CDH13: variants seen among roughly 807,000 people sequenced by gnomAD.
CDH13 encodes the protein cadherin 13.
Under a neutral mutation model 63.8 loss-of-function variants are expected in CDH13, and 24 were observed. That is an observed-to-expected ratio of 0.38 (90% CI 0.27 to 0.53). The LOEUF (loss-of-function observed/expected upper bound fraction) is 0.53. CDH13 is among the 20% of genes least tolerant of loss of function. The pLI, the probability that CDH13 is intolerant of heterozygous loss-of-function variation, is 0.85. For missense variants in CDH13, 1,049 were observed against 903.1 expected (o/e 1.16, Z -2.07); for synonymous variants, 503 against 355.3 (o/e 1.42, Z -4.67).
chr16:83,209,072 G>C (rs4454961), intron 4 of CDH13, among the ~76,000 whole-genome samples: 136,322 of 152,186 alleles, frequency 0.9, 61,977 homozygotes, highest in East Asian at 0.97. Flanking sequence ...AGATGCCAAA[G>C]AGGAGACCTG....
intron 2 of CDH13, among the ~76,000 whole-genome samples, chr16:83,020,089 G>C (rs934590317): frequency 6.6e-5 from 10 of 152,070 alleles, no homozygotes; most frequent in African/African-American, 2.2e-4. Flanking sequence ...TCATCTTACG[G>C]GATTGCTATC....
At chr16:83,215,130 G>A (rs987065346) in intron 4 of CDH13, among the ~76,000 whole-genome samples, 1 of 131,832 alleles carries the variant, frequency 7.6e-6, no homozygotes, top group African/African-American at 3.0e-5. Context: ...AGGCTAGAGT[G>A]CAGTGGAGCA....
chr16:82,798,096 A>T (rs1555519614), intron 1 of CDH13, among the ~76,000 whole-genome samples: 1 of 152,220 alleles, frequency 6.6e-6, no homozygotes, highest in Non-Finnish European at 1.5e-5. Context: ...AATCAATTGC[A>T]GATGCAGTGT....
intron 2 of CDH13, among the ~76,000 whole-genome samples, chr16:82,914,702 G>A (rs1308647965): frequency 6.6e-6 from 1 of 152,202 alleles, no homozygotes; most frequent in Admixed American, 6.5e-5. Flanking sequence ...CAAGGCATGG[G>A]GCAGGTGAAA....
intron 6 of CDH13, among the ~76,000 whole-genome samples, chr16:83,381,461 G>A (rs896233490): frequency 2.0e-5 from 3 of 151,838 alleles, no homozygotes; most frequent in Non-Finnish European, 1.5e-5. Flanking sequence ...TTTTAGCACC[G>A]AGATCGCATC....
intron 2 of CDH13, among the ~76,000 whole-genome samples, chr16:82,939,545 G>T (rs752063539): frequency 2.0e-5 from 3 of 152,088 alleles, no homozygotes; most frequent in Non-Finnish European, 4.4e-5. Flanking sequence ...TACCTAAAGC[G>T]AATACTCAGG....
chr16:83,282,224 A>G (rs901249615), intron 5 of CDH13, among the ~76,000 whole-genome samples: 3 of 152,194 alleles, frequency 2.0e-5, no homozygotes, highest in African/African-American at 7.2e-5. Flanking sequence ...AACATCAAAG[A>G]TCACTGATCT....
At chr16:82,861,182 A>G (rs181905757) in intron 2 of CDH13, among the ~76,000 whole-genome samples, 1 of 152,358 alleles carries the variant, frequency 6.6e-6, no homozygotes. Flanking sequence ...TTTTAGTCTC[A>G]TATAAATATA....
chr16:82,916,357 C>CGA (rs1425840216), intron 2 of CDH13, among the ~76,000 whole-genome samples: 1 of 152,000 alleles, frequency 6.6e-6, no homozygotes, highest in Non-Finnish European at 1.5e-5. Context: ...GAGTGGATGA[C>CGA]GAGGTTAGGA....
chr16:83,667,607 A>G (rs755244190), intron 8 of CDH13, among the ~76,000 whole-genome samples: 1 of 152,168 alleles, frequency 6.6e-6, no homozygotes, highest in Non-Finnish European at 1.5e-5. Flanking sequence ...ATCGAAAGAA[A>G]TAAAAAGAAC....
chr16:83,345,366 T>C (rs2090818138), intron 6 of CDH13, among the ~76,000 whole-genome samples: 1 of 152,200 alleles, frequency 6.6e-6, no homozygotes, highest in South Asian at 2.1e-4. Context: ...TGGGTCCCCA[T>C]TACAAACTCC....
At chr16:83,075,526 T>G (rs1234699010) in intron 3 of CDH13, among the ~76,000 whole-genome samples, 2 of 152,190 alleles carry the variant, frequency 1.3e-5, no homozygotes, top group East Asian at 3.9e-4. Context: ...AACAGGGTTG[T>G]GGTTGCTGAG....
At chr16:83,262,691 A>T (rs1031983854) in intron 5 of CDH13, among the ~76,000 whole-genome samples, 1 of 152,252 alleles carries the variant, frequency 6.6e-6, no homozygotes, top group African/African-American at 2.4e-5. Context: ...ATAACTTTCA[A>T]GGGAAAGGGT....
intron 4 of CDH13, among the ~76,000 whole-genome samples, chr16:83,194,983 TA>T (rs901725186): frequency 1.2e-4 from 18 of 152,162 alleles, no homozygotes; most frequent in Admixed American, 7.9e-4. Context: ...TTCATATAGG[TA>T]AAAAAAGTAT....
intron 7 of CDH13, among the ~76,000 whole-genome samples, chr16:83,518,830 A>G (rs1165927333): frequency 1.3e-5 from 2 of 152,098 alleles, no homozygotes; most frequent in Non-Finnish European, 2.9e-5. Context: ...TGCTGCTGCC[A>G]TGTGAAGAAG....
chr16:83,723,626 G>A (rs1209424801), intron 10 of CDH13, among the ~76,000 whole-genome samples: 1 of 152,154 alleles, frequency 6.6e-6, no homozygotes, highest in African/African-American at 2.4e-5. Flanking sequence ...GTCACTCCCT[G>A]TACTGTTGCC....
At chr16:83,541,901 A>G (rs2075302328) in intron 7 of CDH13, among the ~76,000 whole-genome samples, 1 of 152,208 alleles carries the variant, frequency 6.6e-6, no homozygotes, top group Non-Finnish European at 1.5e-5. Context: ...GCCCCATGGG[A>G]CAGAGGCTGT....
intron 1 of CDH13, among the ~76,000 whole-genome samples, chr16:82,648,407 C>T (rs2150902848): frequency 6.6e-6 from 1 of 152,230 alleles, no homozygotes; most frequent in Admixed American, 6.5e-5. Context: ...AAATGCTCTG[C>T]AAATAGGTTA....
At chr16:82,634,183 G>A (rs544329005) in intron 1 of CDH13, among the ~76,000 whole-genome samples, 11 of 152,372 alleles carry the variant, frequency 7.2e-5, no homozygotes, top group South Asian at 2.1e-4. Flanking sequence ...GGCAGGGCCC[G>A]GAAATGAGCT....
Sources: gnomAD v4.1 joint callset for allele counts (sites outside exome capture counted in the v4.1 genomes callset) on GRCh38, gnomAD v4.1.1 for gene constraint, MANE v1.5 for transcripts, NCBI Gene and HGNC (gene_info 2026-07-23, HGNC 2026-07-21) for gene names.